The following MAP3K7 variants were observed in gnomAD, a reference collection of about 807,000 sequenced individuals.
MAP3K7 encodes the protein mitogen-activated protein kinase kinase kinase 7, also known as TGF-beta activated kinase 1.
A neutral mutation model predicts 84.8 loss-of-function variants in MAP3K7; 21 were observed. That is an observed-to-expected ratio of 0.25 (90% CI 0.18 to 0.36). The LOEUF (loss-of-function observed/expected upper bound fraction) is 0.36, where lower values mean the gene tolerates loss of function less well. MAP3K7 is among the 10% of genes least tolerant of loss of function. The probability of loss-of-function intolerance (pLI) is 1.00; values close to 1 mark genes in which losing one functional copy is unlikely to be tolerated. For missense variants in MAP3K7, 503 were observed against 747.7 expected (o/e 0.67, Z 3.82); for synonymous variants, 241 against 247.7 (o/e 0.97, Z 0.25).
Position 90,544,618 on chromosome 6 carries a change from T to G in MAP3K7, c.1225A>C (p.Lys409Gln). ...GAAGCAGTTTTACGGTGGCCCCGTT[T>G]AGGCTTGGAATAGGCTGCAAAAACA... is the stretch of plus-strand genomic sequence containing the variant. ...IAATTAYSKPKRGHRKTASFG... is the reference protein window; with the variant it reads ...IAATTAYSKPQRGHRKTASFG... The change falls in exon 12 of 17, where the codon AAA (lysine) becomes CAA (glutamine). Residue 409 changes from lysine (K) to glutamine (Q), a missense_variant. Around this residue, in one of 5 missense-constraint regions of MAP3K7, gnomAD observed 286 missense variants for 313.6 expected, o/e 0.91. Transcript: ENST00000369329. 2.5e-6 allele frequency: 4 copies of G among 1,612,468 alleles called. No homozygotes were observed. The highest frequency in any genetic ancestry group is 3.4e-6 in the Non-Finnish European group (4 of 1,178,858).
intron 1 of MAP3K7, among the ~76,000 whole-genome samples, chr6:90,576,123 A>ATTTAT (rs1318356876): frequency 1.3e-5 from 2 of 152,144 alleles, no homozygotes; most frequent in Non-Finnish European, 2.9e-5. Flanking sequence ...TGAAAAGGCC[A>ATTTAT]TATAAAGAGG....
intron 15 of MAP3K7, 87 bp from the exon 16 acceptor site, chr6:90,518,649 ATTTT>A: frequency 1.4e-6 from 1 of 719,854 alleles, no homozygotes; most frequent in Non-Finnish European, 2.5e-6. Flanking sequence ...ACTGTGATAT[ATTTT>A]TATAGCACTA....
At chr6:90,543,612 C>T (rs2127969405) in intron 12 of MAP3K7, among the ~76,000 whole-genome samples, 1 of 152,124 alleles carries the variant, frequency 6.6e-6, no homozygotes, top group South Asian at 2.1e-4. Context: ...AGGTATTCAA[C>T]TAGAATTATC....
chr6:90,576,587 T>C (rs1777091533), intron 1 of MAP3K7, among the ~76,000 whole-genome samples: 1 of 152,224 alleles, frequency 6.6e-6, no homozygotes, highest in Non-Finnish European at 1.5e-5. Context: ...GCACTGATGA[T>C]ACAAGAGTGA....
intron 1 of MAP3K7, among the ~76,000 whole-genome samples, chr6:90,575,519 G>A (rs1420070419): frequency 6.6e-6 from 1 of 152,158 alleles, no homozygotes; most frequent in East Asian, 1.9e-4. Flanking sequence ...CCTAACCCGG[G>A]TTCCCTCAGC....
intron 1 of MAP3K7, 139 bp downstream of exon 1, chr6:90,586,625 G>C (rs1460204471): frequency 8.8e-7 from 1 of 1,138,430 alleles, no homozygotes; most frequent in Non-Finnish European, 1.2e-6. Flanking sequence ...CGTTACTGAG[G>C]GCTGTGGGGT....
At chr6:90,545,478 A>G (rs1311547729) in intron 11 of MAP3K7, among the ~76,000 whole-genome samples, 1 of 152,182 alleles carries the variant, frequency 6.6e-6, no homozygotes, top group Non-Finnish European at 1.5e-5. Context: ...GTTTTGAGAC[A>G]GCAATTAGTA....
intron 6 of MAP3K7, among the ~76,000 whole-genome samples, chr6:90,553,960 C>G (rs896298548): frequency 2.2e-4 from 34 of 152,200 alleles, no homozygotes; most frequent in Non-Finnish European, 8.8e-5. Flanking sequence ...TATTCTGAGA[C>G]AGGATCTCAC....
chr6:90,564,666 CAG>C (rs1776642241), intron 3 of MAP3K7, among the ~76,000 whole-genome samples: 1 of 152,154 alleles, frequency 6.6e-6, no homozygotes, highest in African/African-American at 2.4e-5. Flanking sequence ...ATTAACGAGA[CAG>C]AAAGTTAACA....
At chr6:90,536,914 A>C (rs1775699953) in intron 12 of MAP3K7, 1 of 152,664 alleles carries the variant, frequency 6.6e-6, no homozygotes, top group African/African-American at 2.4e-5. Context: ...AATCCCCATT[A>C]GTCTTTGTCA....
chr6:90,560,791 TACC>T (rs1023523112), intron 4 of MAP3K7, among the ~76,000 whole-genome samples: 1 of 152,158 alleles, frequency 6.6e-6, no homozygotes, highest in African/African-American at 2.4e-5. Flanking sequence ...CAATATACAT[TACC>T]ACATTTTTTC....
chr6:90,515,119 A>G lies in MAP3K7; in HGVS notation c.*1382T>C, dbSNP rs1372395736. On this transcript the variant is annotated 3_prime_UTR_variant, in exon 17 of 17. Coordinates refer to ENST00000369329, the MANE Select transcript of MAP3K7 (RefSeq NM_145331.3). Reference sequence around the variant, plus strand: ...TGAAATAGAGCAAAAACTACAATACAGTCATGATAGAATTCTAATAATCAC... The same window carrying G: ...TGAAATAGAGCAAAAACTACAATACGGTCATGATAGAATTCTAATAATCAC... 6.6e-6 allele frequency: 1 copy of G among 151,996 alleles called. No homozygotes were observed. Among genetic ancestry groups the G allele is most frequent in the African/African-American group, 2.4e-5 (1 of 41,428 alleles). 9.4% of individuals were successfully genotyped at this position (151,996 alleles called of 1,614,324 possible). A position where few individuals can be genotyped will look rare whatever the true frequency, so the allele number is the denominator to read the frequency against.
At chr6:90,552,397 T>C (rs1582203448) in intron 7 of MAP3K7, among the ~76,000 whole-genome samples, 1 of 152,096 alleles carries the variant, frequency 6.6e-6, no homozygotes, top group Non-Finnish European at 1.5e-5. Flanking sequence ...TGACAACTGA[T>C]AGAAAGCAAG....
At chr6:90,550,420 G>A in intron 9 of MAP3K7, 48 bp downstream of exon 9, 1 of 1,194,046 alleles carries the variant, frequency 8.4e-7, no homozygotes, top group Non-Finnish European at 1.2e-6. Flanking sequence ...CATGGGAATA[G>A]AGATGAAAGA....
intron 4 of MAP3K7, 31 bp downstream of exon 4, chr6:90,561,591 A>T (rs1349473747): frequency 1.3e-6 from 2 of 1,529,324 alleles, no homozygotes; most frequent in African/African-American, 2.8e-5. Context: ...ATTTTAATCC[A>T]CTAGATAAAG....
chr6:90,579,858 G>T (rs1014879712), intron 1 of MAP3K7, among the ~76,000 whole-genome samples: 1 of 152,150 alleles, frequency 6.6e-6, no homozygotes, highest in East Asian at 1.9e-4. Context: ...TGTTTTACCA[G>T]TGGGAGACAG....
At chr6:90,539,466 T>C (rs1256260720) in intron 12 of MAP3K7, among the ~76,000 whole-genome samples, 3 of 151,848 alleles carry the variant, frequency 2.0e-5, no homozygotes, top group Non-Finnish European at 2.9e-5. Context: ...TATCAAAGGC[T>C]TACATCTGCT....
intron 13 of MAP3K7, among the ~76,000 whole-genome samples, chr6:90,524,133 T>C (rs1775245344): frequency 6.6e-6 from 1 of 152,070 alleles, no homozygotes; most frequent in South Asian, 2.1e-4. Flanking sequence ...GAATGGACCA[T>C]AAAGCCTTGG....
Position 90,553,482 on chromosome 6 carries a change from G to A in MAP3K7, c.712C>T (p.Arg238Ter). The A allele has an allele frequency of 1.2e-6, 2 of 1,613,734 alleles. No homozygotes were observed. Among genetic ancestry groups the A allele is most frequent in the Non-Finnish European group, 1.7e-6 (2 of 1,179,908 alleles). The change falls in exon 7 of 17, where the codon CGA (arginine) becomes TGA (stop). Residue 238 changes from arginine to a stop codon, truncating the protein, a stop_gained. Transcript: ENST00000369329. LOFTEE classifies it high-confidence loss of function. ...PFDEIGGPAF[R>*]IMWAVHNGTR... Reference sequence around the variant, plus strand: ...CCATTATGAACAGCCCACATGATTCGGAAAGCTGGGCCACCAATCTCATCA... The same window carrying A: ...CCATTATGAACAGCCCACATGATTCAGAAAGCTGGGCCACCAATCTCATCA...
Sources: gnomAD v4.1 joint callset for allele counts (sites outside exome capture counted in the v4.1 genomes callset) on GRCh38, gnomAD v4.1.1 for gene constraint, gnomAD v4.1.1 regional missense constraint, MANE v1.5 for transcripts, NCBI Gene and HGNC (gene_info 2026-07-23, HGNC 2026-07-21) for gene names.